Variants in UBR4 observed in about 807,000 individuals in gnomAD.
UBR4 encodes E3 ubiquitin-protein ligase UBR4.
Under a neutral mutation model 575.6 loss-of-function variants are expected in UBR4, and 124 were observed. The ratio of observed to expected loss-of-function variants is 0.22; its 90% CI spans 0.19 to 0.25. The LOEUF is 0.25. UBR4 is among the 10% of genes least tolerant of loss of function. The pLI, the probability that UBR4 is intolerant of heterozygous loss-of-function variation, is 1.00. For missense variants in UBR4, 4,818 were observed against 6,478.8 expected (o/e 0.74, Z 8.80); for synonymous variants, 2,455 against 2,473.7 (o/e 0.99, Z 0.22).
rs1296759393 is a variant in UBR4 at position 19,155,536 on chromosome 1, A to T, written c.6205T>A (p.Tyr2069Asn). The T allele has an allele frequency of 6.2e-7, 1 of 1,614,160 alleles. No homozygotes were observed. Among genetic ancestry groups the T allele is most frequent in the Non-Finnish European group, 8.5e-7 (1 of 1,180,024 alleles). The change falls in exon 43 of 106, where the codon TAC (tyrosine) becomes AAC (asparagine). Residue 2069 changes from tyrosine to asparagine, a missense_variant. Transcript: ENST00000375254. Reference sequence around the variant, plus strand: ...TCTTCCATAAGCTGAGTATAGATGTACCCAGCCGAAGACATTATAACAATG... The same window carrying T: ...TCTTCCATAAGCTGAGTATAGATGTTCCCAGCCGAAGACATTATAACAATG... ...NIIVIMSSAG[Y>N]IYTQLMEEAS...
rs1421873109 is a variant in UBR4 at position 19,074,910 on chromosome 1, C to T, written c.15488-14G>A. 3.1e-6 allele frequency: 5 copies of T among 1,613,712 alleles called. No homozygotes were observed. The highest frequency in any genetic ancestry group is 2.7e-5 in the African/African-American group (2 of 75,006). On this transcript the variant is annotated splice_polypyrimidine_tract_variant and intron_variant, in intron 105 of 105. Transcript: ENST00000375254. ...CTGATAAAAGACCTGCAAAGCACAA[C>T]GGGCAGAGGTGTGTCAGGAGCAGGC...
chr1:19,168,812 C>T (rs1029200740), intron 27 of UBR4, among the ~76,000 whole-genome samples: 31 of 151,972 alleles, frequency 2.0e-4, no homozygotes, highest in African/African-American at 7.5e-4. Flanking sequence ...CCCGTCTCTA[C>T]TAAAAATACA....
chr1:19,077,296 G>T (rs2076039051), intron 104 of UBR4, among the ~76,000 whole-genome samples: 1 of 152,230 alleles, frequency 6.6e-6, no homozygotes, highest in Non-Finnish European at 1.5e-5. Flanking sequence ...TTATAAGCTG[G>T]CTGCGGTAAG....
chr1:19,140,747 T>C, intron 58 of UBR4, 41 bp downstream of exon 58: 1 of 1,582,368 alleles, frequency 6.3e-7, no homozygotes, highest in Non-Finnish European at 8.6e-7. Context: ...GGCCTGAGGG[T>C]CCTGGGGCCC....
chr1:19,075,955 G>T (rs75248310), intron 105 of UBR4, among the ~76,000 whole-genome samples: 1 of 152,174 alleles, frequency 6.6e-6, no homozygotes, highest in Non-Finnish European at 1.5e-5. Flanking sequence ...TTACCTGTGC[G>T]TTGGCTCTGG....
At chr1:19,133,170 C>T (rs2082734568) in intron 60 of UBR4, among the ~76,000 whole-genome samples, 1 of 151,932 alleles carries the variant, frequency 6.6e-6, no homozygotes, top group Admixed American at 6.6e-5. Flanking sequence ...AATTTTAAGC[C>T]TAAACTAAAA....
Position 19,197,258 on chromosome 1 carries a change from A to C in UBR4, c.901T>G (p.Ser301Ala). The change falls in exon 8 of 106, where the codon TCA becomes GCA. Residue 301 changes from serine (S) to alanine (A), a missense_variant. Physicochemically the swap from Ser to Ala is moderately conservative, Grantham distance 99. Coordinates refer to ENST00000375254, the MANE Select transcript of UBR4 (RefSeq NM_020765.3). ...GCCATAGTTACATCAATCACCAATG[A>C]ATGAAAGCTGGAACATGACAGAGAT... ...DATAVRNGFH[S>A]LVIDVTMALD... The C allele has an allele frequency of 1.9e-6, 3 of 1,614,182 alleles. No homozygotes were observed. Among genetic ancestry groups the C allele is most frequent in the Non-Finnish European group, 2.5e-6 (3 of 1,180,014 alleles).
intron 83 of UBR4, 72 bp from the exon 84 acceptor site, chr1:19,105,914 G>A: frequency 3.4e-6 from 4 of 1,173,520 alleles, no homozygotes; most frequent in Non-Finnish European, 4.7e-6. Flanking sequence ...CAGCAGGGCA[G>A]TCAACTGCCA....
intron 101 of UBR4, among the ~76,000 whole-genome samples, chr1:19,085,499 G>A (rs540620684): frequency 6.6e-6 from 1 of 152,328 alleles, no homozygotes; most frequent in African/African-American, 2.4e-5. Context: ...TCCAGCCTGG[G>A]TGACAAGAGC....
intron 18 of UBR4, among the ~76,000 whole-genome samples, chr1:19,178,718 T>C (rs1265329111): frequency 6.6e-6 from 1 of 152,216 alleles, no homozygotes; most frequent in Non-Finnish European, 1.5e-5. Flanking sequence ...AGTGGTTTCA[T>C]GTTGAAAGCA....
In UBR4 at chr1:19,088,722, T is replaced by G; in HGVS notation, c.14430+37A>C. 1.2e-6 allele frequency: 2 copies of G among 1,606,750 alleles called. No individual in the cohort carries two copies. The highest frequency in any genetic ancestry group is 1.7e-6 in the Non-Finnish European group (2 of 1,175,274). On this transcript the variant is annotated intron_variant, in intron 98 of 105. Coordinates refer to ENST00000375254, the MANE Select transcript of UBR4 (RefSeq NM_020765.3). This position sits in a 1 kb window ranked among gnomAD's most constrained non-coding sequence, Gnocchi z 4.0. ...CATGGCCACCTCCTCATCAACAGTG[T>G]GGGCAGAAATATGGGGACTCTAGGT...
Position 19,157,171 on chromosome 1 carries a change from A to G in UBR4, c.5761-246T>C, listed in dbSNP as rs1481553311. Among the ~76,000 whole-genome samples the G allele has an allele frequency of 6.6e-6, 1 of 152,252 alleles. No individual in the cohort carries two copies. Among genetic ancestry groups the G allele is most frequent in the Non-Finnish European group, 1.5e-5 (1 of 68,050 alleles). ...AATTTCTCTTTATATAGTTCACAAAATAGTTTAAGAATACCTACGTACCAC... is the reference window on the plus strand; with the variant it reads ...AATTTCTCTTTATATAGTTCACAAAGTAGTTTAAGAATACCTACGTACCAC... On this transcript the variant is annotated intron_variant, in intron 40 of 105. Transcript: ENST00000375254. This position sits in a 1 kb window ranked among gnomAD's most constrained non-coding sequence, Gnocchi z 4.4.
intron 34 of UBR4, among the ~76,000 whole-genome samples, chr1:19,163,473 A>G (rs2087748503): frequency 6.6e-6 from 1 of 152,250 alleles, no homozygotes; most frequent in African/African-American, 2.4e-5. Flanking sequence ...GCAGGGAGAC[A>G]GTTTCCCATA....
At position 19,162,656 on chromosome 1, in the gene UBR4, T is replaced by G. The variant is rs757319624; in HGVS notation, c.4765-45A>C. The stretch of plus-strand genomic sequence containing the variant: ...GCAACTTCAGATTCTCCATGTTTCA[T>G]TATGTAAACCATGTTTTCTCAAGCT... On this transcript the variant is annotated intron_variant, in intron 34 of 105. Coordinates refer to ENST00000375254, the MANE Select transcript of UBR4 (RefSeq NM_020765.3). 1.9e-6 allele frequency: 3 copies of G among 1,564,662 alleles called. No individual in the cohort carries two copies. In the South Asian group the frequency reaches 3.5e-5, roughly 18 times the overall value.
intron 84 of UBR4, 127 bp from the exon 85 acceptor site, chr1:19,105,316 G>A (rs978237987): frequency 8.6e-7 from 1 of 1,156,872 alleles, no homozygotes; most frequent in Non-Finnish European, 1.2e-6. Flanking sequence ...CCTAGAGGGT[G>A]GAGGAACAGC....
chr1:19,131,798 G>A (rs935307193), intron 60 of UBR4, among the ~76,000 whole-genome samples: 2 of 152,266 alleles, frequency 1.3e-5, no homozygotes, highest in Admixed American at 6.5e-5. Flanking sequence ...GCTTGAACCC[G>A]GGCGGCAGAG....
At chr1:19,186,470 G>A in intron 14 of UBR4, 70 bp downstream of exon 14, 1 of 1,363,708 alleles carries the variant, frequency 7.3e-7, no homozygotes, top group African/African-American at 1.4e-5. Context: ...GAAACTACAG[G>A]AATCTGCTGA....
At chr1:19,192,101 T>C (rs1208959891) in intron 11 of UBR4, 87 bp downstream of exon 11, 7 of 1,470,352 alleles carry the variant, frequency 4.8e-6, no homozygotes, top group Admixed American at 2.3e-5. Context: ...AATTTTCCTA[T>C]TGATATGAAG....
chr1:19,166,714 CAAAAAAAAAAAAAAA>C (rs535369262), intron 29 of UBR4, among the ~76,000 whole-genome samples: 9 of 73,756 alleles, frequency 1.2e-4, no homozygotes, highest in South Asian at 5.5e-4. Context: ...CCATCTCTAC[CAAAAAAAAAAAAAAA>C]AAAAAAAAAA....
Sources: gnomAD v4.1 joint callset for allele counts (sites outside exome capture counted in the v4.1 genomes callset) on GRCh38, gnomAD v4.1.1 for gene constraint, Gnocchi (gnomAD v3.1) non-coding constraint, MANE v1.5 for transcripts, NCBI Gene and HGNC (gene_info 2026-07-23, HGNC 2026-07-21) for gene names.